GAS2: variants seen among roughly 807,000 people sequenced by gnomAD.
GAS2 encodes the protein growth arrest specific 2.
GAS2 carries 20 observed loss-of-function variants against 37.5 expected under a neutral mutation model. The ratio of observed to expected loss-of-function variants is 0.53; its 90% CI spans 0.37 to 0.77. GAS2 has a LOEUF of 0.77. Among genes scored for constraint, GAS2 ranks in the 30% least tolerant of loss-of-function variants. The pLI, the probability that GAS2 is intolerant of heterozygous loss-of-function variation, is 0.00. For synonymous variants in GAS2, 144 were observed against 132.2 expected, an observed-to-expected ratio of 1.09 and a Z score of -0.61; for missense variants, 336 against 373.4, an observed-to-expected ratio of 0.90 and a Z score of 0.82.
intron 3 of GAS2, among the ~76,000 whole-genome samples, chr11:22,717,121 A>G (rs1051832249): frequency 8.3e-6 from 1 of 119,840 alleles, no homozygotes; most frequent in African/African-American, 2.9e-5. Context: ...TACAATCATC[A>G]TTCTTCACAT....
At chr11:22,671,102 C>T (rs1288312540) in intron 1 of GAS2, among the ~76,000 whole-genome samples, 1 of 152,078 alleles carries the variant, frequency 6.6e-6, no homozygotes, top group Non-Finnish European at 1.5e-5. Flanking sequence ...AGTCTTTAAA[C>T]ATGTGATATT....
chr11:22,690,587 T>A (rs1284219745), intron 3 of GAS2, among the ~76,000 whole-genome samples: 1 of 152,200 alleles, frequency 6.6e-6, no homozygotes, highest in Admixed American at 6.5e-5. Flanking sequence ...ACTATAATAT[T>A]ATGAATTCAC....
intron 7 of GAS2, among the ~76,000 whole-genome samples, chr11:22,763,352 C>T (rs919403748): frequency 6.6e-6 from 1 of 152,110 alleles, no homozygotes; most frequent in Non-Finnish European, 1.5e-5. Flanking sequence ...GGGACTTGCT[C>T]TAAGGAAAGG....
intron 1 of GAS2, among the ~76,000 whole-genome samples, chr11:22,632,246 A>T (rs1858754192): frequency 6.6e-6 from 1 of 152,128 alleles, no homozygotes; most frequent in African/African-American, 2.4e-5. Flanking sequence ...ATAGTCAAAC[A>T]GTGACATATT....
At chr11:22,730,995 T>C (rs1852446051) in intron 4 of GAS2, among the ~76,000 whole-genome samples, 1 of 151,856 alleles carries the variant, frequency 6.6e-6, no homozygotes, top group South Asian at 2.1e-4. Context: ...AAATCTATAC[T>C]TTGTTTTCAA....
chr11:22,755,751 TC>T, intron 6 of GAS2, 94 bp from the exon 7 acceptor site: 1 of 743,386 alleles, frequency 1.3e-6, no homozygotes, highest in Non-Finnish European at 2.3e-6. Flanking sequence ...AAGTTTAAAG[TC>T]ATTAAGGGTT....
intron 3 of GAS2, among the ~76,000 whole-genome samples, chr11:22,693,257 T>G (rs557360021): frequency 1.7e-4 from 26 of 152,192 alleles, no homozygotes; most frequent in Non-Finnish European, 3.1e-4. Context: ...TCTGGAATTT[T>G]CTACTTATAA....
chr11:22,739,640 A>G (rs2134236753), intron 5 of GAS2, among the ~76,000 whole-genome samples: 1 of 151,912 alleles, frequency 6.6e-6, no homozygotes, highest in South Asian at 2.1e-4. Flanking sequence ...AATCAAACTA[A>G]ATAAAATTTC....
intron 7 of GAS2, among the ~76,000 whole-genome samples, chr11:22,788,268 A>C (rs2134543855): frequency 6.6e-6 from 1 of 152,346 alleles, no homozygotes; most frequent in Non-Finnish European, 1.5e-5. Context: ...ATATGAAGAA[A>C]ATATGTTTTT....
At chr11:22,692,193 T>C (rs1184831216) in intron 3 of GAS2, among the ~76,000 whole-genome samples, 1 of 152,068 alleles carries the variant, frequency 6.6e-6, no homozygotes, top group African/African-American at 2.4e-5. Context: ...ATGTGAAAAA[T>C]TGGGCAAGAT....
At chr11:22,719,154 C>G (rs1306812354) in intron 3 of GAS2, among the ~76,000 whole-genome samples, 1 of 152,116 alleles carries the variant, frequency 6.6e-6, no homozygotes, top group East Asian at 1.9e-4. Context: ...ATTCATCACT[C>G]CACTTATTTT....
chr11:22,746,457 T>C (rs1048656776), intron 5 of GAS2, among the ~76,000 whole-genome samples: 1 of 152,066 alleles, frequency 6.6e-6, no homozygotes, highest in Non-Finnish European at 1.5e-5. Context: ...GTGGAATCAA[T>C]CTAATTGCCC....
intron 7 of GAS2, among the ~76,000 whole-genome samples, chr11:22,762,088 A>G (rs1187736712): frequency 2.0e-5 from 3 of 152,198 alleles, no homozygotes; most frequent in Admixed American, 1.3e-4. Context: ...GACATTGTCA[A>G]TTGAAGCAAA....
At chr11:22,720,019 A>T (rs141362051) in intron 3 of GAS2, among the ~76,000 whole-genome samples, 41 of 152,212 alleles carry the variant, frequency 2.7e-4, no homozygotes, top group Non-Finnish European at 5.4e-4. Context: ...CATTTCAAAC[A>T]TTAGTTTATA....
intron 7 of GAS2, among the ~76,000 whole-genome samples, chr11:22,782,522 A>G (rs1855600526): frequency 6.6e-6 from 1 of 151,994 alleles, no homozygotes. Context: ...GGTAGTAAGC[A>G]TAGTATCCAA....
chr11:22,657,727 G>C (rs745940447), intron 1 of GAS2, among the ~76,000 whole-genome samples: 1 of 152,164 alleles, frequency 6.6e-6, no homozygotes, highest in Non-Finnish European at 1.5e-5. Context: ...CATGACTACC[G>C]TACTTCCTCA....
intron 1 of GAS2, among the ~76,000 whole-genome samples, chr11:22,627,640 C>T (rs1403026098): frequency 4.6e-5 from 7 of 151,966 alleles, no homozygotes; most frequent in East Asian, 3.9e-4. Flanking sequence ...CTGGGCATGG[C>T]GGTGCACACC....
chr11:22,662,096 G>T (rs1253722906), upstream of GAS2, among the ~76,000 whole-genome samples: 1 of 152,142 alleles, frequency 6.6e-6, no homozygotes, highest in Non-Finnish European at 1.5e-5. Context: ...AAATTTGAAA[G>T]CCACTGCAGT....
At chr11:22,765,774 G>A (rs2134397031) in intron 7 of GAS2, among the ~76,000 whole-genome samples, 1 of 118,330 alleles carries the variant, frequency 8.5e-6, no homozygotes, top group African/African-American at 3.4e-5. Flanking sequence ...GTGAGACTCT[G>A]TCAAAAAAAA....
Sources: gnomAD v4.1 joint callset for allele counts (sites outside exome capture counted in the v4.1 genomes callset) on GRCh38, gnomAD v4.1.1 for gene constraint, MANE v1.5 for transcripts, NCBI Gene and HGNC (gene_info 2026-07-23, HGNC 2026-07-21) for gene names.